Variants in EYA1 observed in about 807,000 individuals in gnomAD.
The protein encoded by EYA1 is protein phosphatase EYA1.
Under a neutral mutation model 82.0 loss-of-function variants are expected in EYA1, and 16 were observed. The observed-to-expected ratio is 0.20, with a 90% confidence interval of 0.13 to 0.30. EYA1 has a LOEUF of 0.30. EYA1 is among the 10% of genes least tolerant of loss of function. The pLI is 1.00. For missense variants in EYA1, 633 were observed against 730.7 expected (o/e 0.87, Z 1.54); for synonymous variants, 261 against 264.4 (o/e 0.99, Z 0.12).
chr8:71,203,118 T>G (rs1452996427), intron 17 of EYA1, among the ~76,000 whole-genome samples: 2 of 152,152 alleles, frequency 1.3e-5, no homozygotes, highest in African/African-American at 4.8e-5. Flanking sequence ...TGAGGAGACC[T>G]GGGTTATATT....
intron 12 of EYA1, among the ~76,000 whole-genome samples, chr8:71,226,887 G>GT (rs1422778578): frequency 6.6e-6 from 1 of 151,704 alleles, no homozygotes; most frequent in Non-Finnish European, 1.5e-5. Flanking sequence ...TACACAAAAG[G>GT]TTATGTCCAA....
At chr8:71,436,737 T>C (rs773397672) in intron 2 of EYA1, among the ~76,000 whole-genome samples, 9 of 152,002 alleles carry the variant, frequency 5.9e-5, no homozygotes, top group Non-Finnish European at 1.3e-4. Flanking sequence ...CAAAGAGAAA[T>C]CTTTAAACAA....
chr8:71,366,148 AT>A (rs11402042), upstream of EYA1, among the ~76,000 whole-genome samples: 14 of 151,496 alleles, frequency 9.2e-5, no homozygotes, highest in South Asian at 4.2e-4. Flanking sequence ...TGCCTATCAG[AT>A]TTTTTTTTAA....
At chr8:71,303,346 C>T (rs1820402518) in intron 7 of EYA1, among the ~76,000 whole-genome samples, 1 of 141,160 alleles carries the variant, frequency 7.1e-6, no homozygotes, top group African/African-American at 2.5e-5. Context: ...ACATCCATGA[C>T]TTACTAATCA....
intron 4 of EYA1, among the ~76,000 whole-genome samples, chr8:71,324,659 T>C (rs999412691): frequency 1.3e-5 from 2 of 152,222 alleles, no homozygotes; most frequent in African/African-American, 2.4e-5. Context: ...TAAGGGCTGA[T>C]AGAAGTAAAG....
Position 71,464,934 on chromosome 8 carries a change from T to A in EYA1, c.33+70810A>T, listed in dbSNP as rs138640735. Among the ~76,000 whole-genome samples the A allele has an allele frequency of 2.3e-3, 349 of 152,292 alleles. 3 individuals are homozygous for A. The highest frequency in any genetic ancestry group is 0.014 in the East Asian group (75 of 5,180). Reference sequence around the variant, plus strand: ...CTATTTTCAAAACCAAGATTACAACTTCCCCCTGAGTAACATATGATCATT... The same window carrying A: ...CTATTTTCAAAACCAAGATTACAACATCCCCCTGAGTAACATATGATCATT... On this transcript the variant is annotated intron_variant, in intron 2 of 18. Coordinates refer to the EYA1 transcript ENST00000643681.
intron 8 of EYA1, among the ~76,000 whole-genome samples, 160 bp from the exon 9 acceptor site, chr8:71,299,393 C>A (rs895669844): frequency 6.6e-6 from 1 of 151,968 alleles, no homozygotes; most frequent in African/African-American, 2.4e-5. Flanking sequence ...GACTTGCAAA[C>A]AAATTTTATG....
intron 17 of EYA1, among the ~76,000 whole-genome samples, chr8:71,203,560 G>T (rs1052002148): frequency 6.6e-5 from 10 of 152,172 alleles, no homozygotes; most frequent in Admixed American, 5.9e-4. Flanking sequence ...GGAGTAATTG[G>T]CCTGTGGAGG....
chr8:71,276,006 G>A (rs1163291120), intron 9 of EYA1, among the ~76,000 whole-genome samples: 1 of 152,106 alleles, frequency 6.6e-6, no homozygotes, highest in Non-Finnish European at 1.5e-5. Context: ...GTGAATATTG[G>A]TGTTCTCTAC....
rs1237984076 is a variant in EYA1 at position 71,197,820 on chromosome 8, TTG to T, written c.*1518_*1519del. Reference sequence around the variant, plus strand: ...CTAAGGGTAATTTCATGACAATGGATTGTGTTTGTTAGATGAGAGAAAATATT... The same window carrying T: ...CTAAGGGTAATTTCATGACAATGGATTGTTTGTTAGATGAGAGAAAATATT... On this transcript the variant is annotated 3_prime_UTR_variant, in exon 18 of 18. Transcript: ENST00000340726. 1.3e-5 allele frequency: 2 copies of T among 152,606 alleles called. No individual in the cohort carries two copies. The highest frequency in any genetic ancestry group is 2.9e-5 in the Non-Finnish European group (2 of 68,026). 9.5% of individuals were successfully genotyped at this position (152,606 alleles called of 1,614,324 possible). A position where few individuals can be genotyped will look rare whatever the true frequency, so the allele number is the denominator to read the frequency against.
chr8:71,509,375 A>G (rs981378400), intron 2 of EYA1, among the ~76,000 whole-genome samples: 10 of 152,216 alleles, frequency 6.6e-5, no homozygotes, highest in Non-Finnish European at 1.3e-4. Flanking sequence ...ACGTTTTATA[A>G]TTCATGCAAT....
At chr8:71,497,456 A>C (rs1811498345) in intron 2 of EYA1, among the ~76,000 whole-genome samples, 1 of 152,254 alleles carries the variant, frequency 6.6e-6, no homozygotes, top group African/African-American at 2.4e-5. Flanking sequence ...AACAGACAAC[A>C]GGTATATGAC....
At chr8:71,397,252 T>C (rs1053246450) in intron 2 of EYA1, among the ~76,000 whole-genome samples, 1 of 152,248 alleles carries the variant, frequency 6.6e-6, no homozygotes, top group South Asian at 2.1e-4. Context: ...AATTTGCCAG[T>C]CTGTGTCTTT....
At chr8:71,383,878 T>C (rs1199703660) in intron 2 of EYA1, among the ~76,000 whole-genome samples, 1 of 152,128 alleles carries the variant, frequency 6.6e-6, no homozygotes, top group Non-Finnish European at 1.5e-5. Flanking sequence ...TTTTACAATC[T>C]AGGTAGATGT....
intron 2 of EYA1, among the ~76,000 whole-genome samples, chr8:71,484,415 T>A (rs1420263534): frequency 6.6e-6 from 1 of 152,200 alleles, no homozygotes; most frequent in African/African-American, 2.4e-5. Flanking sequence ...GTATTTCTCT[T>A]GTAACCCACC....
At chr8:71,245,739 A>C (rs1315416912) in intron 11 of EYA1, among the ~76,000 whole-genome samples, 1 of 152,104 alleles carries the variant, frequency 6.6e-6, no homozygotes, top group African/African-American at 2.4e-5. Context: ...TAAACCTGTC[A>C]ATTTTAAGTG....
chr8:71,425,570 G>T (rs530864240), intron 2 of EYA1, among the ~76,000 whole-genome samples: 1 of 152,054 alleles, frequency 6.6e-6, no homozygotes, highest in South Asian at 2.1e-4. Flanking sequence ...CAACCATAAG[G>T]GGGGAAATTT....
At chr8:71,317,736 TG>T in intron 6 of EYA1, 47 bp from the exon 7 acceptor site, 1 of 1,591,922 alleles carries the variant, frequency 6.3e-7, no homozygotes, top group Non-Finnish European at 8.6e-7. Flanking sequence ...TTTCAAAAGC[TG>T]GTAAATATAC....
At chr8:71,376,572 A>G (rs1416538199) in intron 2 of EYA1, among the ~76,000 whole-genome samples, 1 of 152,118 alleles carries the variant, frequency 6.6e-6, no homozygotes, top group Admixed American at 6.6e-5. Context: ...GTGTAATCTG[A>G]CCAGGGTTTT....
Sources: allele counts gnomAD v4.1 joint callset (sites outside exome capture counted in the v4.1 genomes callset), GRCh38; gene constraint gnomAD v4.1.1; transcripts MANE v1.5; gene names NCBI Gene and HGNC (gene_info 2026-07-23, HGNC 2026-07-21).